The following NAALADL2 variants were observed in gnomAD, a reference collection of about 807,000 sequenced individuals.
The protein encoded by NAALADL2 is inactive N-acetylated-alpha-linked acidic dipeptidase-like protein 2.
In NAALADL2, 76 loss-of-function variants were observed where a neutral mutation model predicts 87.2. The observed-to-expected ratio is 0.87, with a 90% CI of 0.72 to 1.05. The LOEUF (loss-of-function observed/expected upper bound fraction) is 1.05. NAALADL2 is among the 50% of genes least tolerant of loss of function. The pLI, the probability that NAALADL2 is intolerant of heterozygous loss-of-function variation, is 0.00. For missense variants in NAALADL2, 1,089 were observed against 945.8 expected, an observed-to-expected ratio of 1.15 and a Z score of -1.99; for synonymous variants, 354 against 331.0, an observed-to-expected ratio of 1.07 and a Z score of -0.75.
intron 10 of NAALADL2, among the ~76,000 whole-genome samples, chr3:175,597,596 A>G (rs762100583): frequency 9.2e-5 from 14 of 152,100 alleles, no homozygotes; most frequent in East Asian, 3.9e-4. Context: ...CCTCAGCACT[A>G]TTGGCATTTT....
At chr3:175,781,294 A>C (rs527974254) in intron 13 of NAALADL2, among the ~76,000 whole-genome samples, 5 of 152,296 alleles carry the variant, frequency 3.3e-5, no homozygotes, top group Non-Finnish European at 5.9e-5. Flanking sequence ...CATGTGCTGA[A>C]TAATGATGTT....
At chr3:174,513,570 G>A (rs889693492) in intron 1 of NAALADL2, 2 of 152,128 alleles carry the variant, frequency 1.3e-5, no homozygotes, top group African/African-American at 4.8e-5. Flanking sequence ...GCAGAGGTAA[G>A]GTAAAAGAGG....
chr3:174,918,174 C>T lies in NAALADL2; in HGVS notation c.43+58724C>T, dbSNP rs184779998. On this transcript the variant is annotated intron_variant, in intron 1 of 13. Transcript: ENST00000454872. ...CATATCAGTACTTATTCAGAATATT[C>T]ACTTGTAATTGCATCTAATAATTTT... is the stretch of plus-strand genomic sequence containing the variant. Among the ~76,000 whole-genome samples, 344 of 151,742 alleles carry T rather than the reference C, an allele frequency of 2.3e-3. 2 individuals carry two copies. Among genetic ancestry groups the T allele is most frequent in the African/African-American group, 7.8e-3 (321 of 41,380 alleles).
chr3:175,139,341 T>G (rs2108708193), intron 2 of NAALADL2, among the ~76,000 whole-genome samples: 1 of 152,124 alleles, frequency 6.6e-6, no homozygotes, highest in Non-Finnish European at 1.5e-5. Flanking sequence ...AAAAAAGAAG[T>G]TTGGTTTCCT....
chr3:175,607,898 A>AAT (rs1560841159), intron 10 of NAALADL2, among the ~76,000 whole-genome samples: 2 of 109,442 alleles, frequency 1.8e-5, no homozygotes, highest in Non-Finnish European at 4.2e-5. Flanking sequence ...GGTGACATGG[A>AAT]ACACACACAC....
At chr3:175,224,873 A>C (rs1743931913) in intron 2 of NAALADL2, among the ~76,000 whole-genome samples, 1 of 152,182 alleles carries the variant, frequency 6.6e-6, no homozygotes, top group African/African-American at 2.4e-5. Flanking sequence ...TTTTCATACT[A>C]TCATTACTTC....
At chr3:175,116,192 T>A (rs965209347) in intron 2 of NAALADL2, among the ~76,000 whole-genome samples, 1 of 152,034 alleles carries the variant, frequency 6.6e-6, no homozygotes, top group African/African-American at 2.4e-5. Flanking sequence ...ATGCCCTCTC[T>A]CACCACTCCT....
chr3:175,273,794 A>G (rs541416478), intron 4 of NAALADL2, among the ~76,000 whole-genome samples: 1 of 152,124 alleles, frequency 6.6e-6, no homozygotes, highest in Admixed American at 6.6e-5. Context: ...TACATCTATT[A>G]TGGATAAATA....
At chr3:174,589,346 T>C (rs2084366) in intron 2 of NAALADL2, among the ~76,000 whole-genome samples, 77,288 of 152,078 alleles carry the variant, frequency 0.51, 22,250 homozygotes, top group East Asian at 0.81. Context: ...ATGCCCTGCC[T>C]TGCTTCAGCT....
chr3:175,047,179 A>G (rs1188314676), intron 1 of NAALADL2, among the ~76,000 whole-genome samples: 1 of 152,116 alleles, frequency 6.6e-6, no homozygotes, highest in East Asian at 1.9e-4. Flanking sequence ...GAATTTCAAC[A>G]TTTGAATTTT....
intron 13 of NAALADL2, among the ~76,000 whole-genome samples, chr3:175,793,060 A>G (rs1277577357): frequency 6.6e-6 from 1 of 152,206 alleles, no homozygotes; most frequent in African/African-American, 2.4e-5. Context: ...TAATCTGGTG[A>G]AAGAATTACC....
chr3:174,812,644 A>C (rs1027840042), intron 3 of NAALADL2, among the ~76,000 whole-genome samples: 2 of 152,218 alleles, frequency 1.3e-5, no homozygotes, highest in East Asian at 3.9e-4. Flanking sequence ...ATAGGAGATA[A>C]CAGGTCCATG....
chr3:174,885,948 C>T (rs1258600542), intron 1 of NAALADL2, among the ~76,000 whole-genome samples: 1 of 107,222 alleles, frequency 9.3e-6, no homozygotes, highest in East Asian at 3.4e-4. Flanking sequence ...GAGTCTCCCA[C>T]TGTTGCCCAG....
At chr3:175,350,132 G>A (rs181070046) in intron 5 of NAALADL2, among the ~76,000 whole-genome samples, 19 of 149,960 alleles carry the variant, frequency 1.3e-4, no homozygotes, top group African/African-American at 4.4e-4. Context: ...TCTTGGCAAT[G>A]TGTTTTTCCC....
chr3:174,485,407 T>G (rs1368117860), intron 1 of NAALADL2, among the ~76,000 whole-genome samples: 1 of 108,830 alleles, frequency 9.2e-6, no homozygotes. Context: ...GTATTAAGCC[T>G]AGTACCCATT....
intron 5 of NAALADL2, among the ~76,000 whole-genome samples, chr3:175,435,291 G>C (rs1168190943): frequency 1.3e-5 from 2 of 151,892 alleles, no homozygotes; most frequent in African/African-American, 4.8e-5. Context: ...ATACAGGATT[G>C]TTCTTTGTTT....
intron 10 of NAALADL2, among the ~76,000 whole-genome samples, chr3:175,584,725 A>T (rs531602682): frequency 6.6e-6 from 1 of 152,344 alleles, no homozygotes; most frequent in Admixed American, 6.5e-5. Context: ...AGAGACAATT[A>T]TAATACAATG....
intron 11 of NAALADL2, among the ~76,000 whole-genome samples, chr3:175,652,582 C>A (rs1190701778): frequency 6.6e-6 from 1 of 151,154 alleles, no homozygotes; most frequent in East Asian, 1.9e-4. Context: ...GGGTTCACGC[C>A]ATTCTCCTGC....
At chr3:174,707,302 A>G (rs1730173633) in intron 2 of NAALADL2, among the ~76,000 whole-genome samples, 1 of 152,088 alleles carries the variant, frequency 6.6e-6, no homozygotes, top group African/African-American at 2.4e-5. Context: ...CTGGGTATAT[A>G]CCTGAAGGAA....
Sources: allele counts gnomAD v4.1 joint callset (sites outside exome capture counted in the v4.1 genomes callset), GRCh38; gene constraint gnomAD v4.1.1; transcripts MANE v1.5; gene names NCBI Gene and HGNC (gene_info 2026-07-23, HGNC 2026-07-21).